Variants in RPS6KA5 observed in about 807,000 individuals in gnomAD.
RPS6KA5 encodes the protein ribosomal protein S6 kinase A5, also known as ribosomal protein S6 kinase alpha-5.
RPS6KA5 carries 27 observed loss-of-function variants against 85.5 expected under a neutral mutation model. The observed-to-expected ratio is 0.32, with a 90% CI of 0.23 to 0.44. RPS6KA5 has a LOEUF of 0.44. Ranked by LOEUF, RPS6KA5 falls within the 20% of genes least tolerant of loss-of-function variation. RPS6KA5 has a pLI of 1.00. For synonymous variants in RPS6KA5, 334 were observed against 348.2 expected, an observed-to-expected ratio of 0.96 and a Z score of 0.46; for missense variants, 811 against 980.9, an observed-to-expected ratio of 0.83 and a Z score of 2.31.
At chr14:90,896,470 T>G (rs537426163) in intron 12 of RPS6KA5, among the ~76,000 whole-genome samples, 1 of 152,262 alleles carries the variant, frequency 6.6e-6, no homozygotes, top group South Asian at 2.1e-4. Context: ...GGTTGTTACC[T>G]TAGAAGGATG....
At chr14:90,878,513 A>C (rs1187232935) in intron 14 of RPS6KA5, among the ~76,000 whole-genome samples, 3 of 152,240 alleles carry the variant, frequency 2.0e-5, no homozygotes. Context: ...CTCCCCAAAC[A>C]TGGAACAAAA....
chr14:90,941,729 A>G (rs971041800), intron 5 of RPS6KA5, among the ~76,000 whole-genome samples: 2 of 152,216 alleles, frequency 1.3e-5, no homozygotes, highest in African/African-American at 2.4e-5. Context: ...GGGGGTCAGA[A>G]GTACAGAGAG....
At chr14:90,886,545 T>C (rs2034240375) in intron 14 of RPS6KA5, among the ~76,000 whole-genome samples, 1 of 152,080 alleles carries the variant, frequency 6.6e-6, no homozygotes, top group South Asian at 2.1e-4. Flanking sequence ...TTAGTGTCCT[T>C]AAAGGGACAG....
chr14:90,995,862 T>G (rs2040494476), intron 2 of RPS6KA5, among the ~76,000 whole-genome samples: 1 of 152,222 alleles, frequency 6.6e-6, no homozygotes, highest in East Asian at 1.9e-4. Flanking sequence ...GGAGGATTAC[T>G]TGGGCCCAGG....
intron 1 of RPS6KA5, among the ~76,000 whole-genome samples, chr14:91,050,891 A>G (rs565279609): frequency 6.6e-6 from 1 of 152,340 alleles, no homozygotes; most frequent in Middle Eastern, 3.4e-3. Flanking sequence ...GTTTTTCAAC[A>G]GATCCAACAT....
intron 5 of RPS6KA5, among the ~76,000 whole-genome samples, chr14:90,935,246 C>A (rs1003056317): frequency 6.6e-6 from 1 of 152,020 alleles, no homozygotes; most frequent in Non-Finnish European, 1.5e-5. Flanking sequence ...TTGAAAGTGG[C>A]ACTATTAGCT....
chr14:91,060,172 G>A, intron 1 of RPS6KA5, 160 bp downstream of exon 1: 1 of 976,058 alleles, frequency 1.0e-6, no homozygotes, highest in Non-Finnish European at 1.2e-6. Context: ...CCACCTCCCG[G>A]GACCCCCGGG....
At chr14:90,909,979 T>C (rs1298728685) in intron 7 of RPS6KA5, among the ~76,000 whole-genome samples, 1 of 152,084 alleles carries the variant, frequency 6.6e-6, no homozygotes, top group Non-Finnish European at 1.5e-5. Context: ...TTTCGCCATA[T>C]TGGCCAGACT....
intron 2 of RPS6KA5, among the ~76,000 whole-genome samples, chr14:90,995,810 T>G (rs145539981): frequency 6.6e-6 from 1 of 152,282 alleles, no homozygotes; most frequent in African/African-American, 2.4e-5. Context: ...CTACATGCAG[T>G]GACTCATGCC....
intron 2 of RPS6KA5, among the ~76,000 whole-genome samples, chr14:90,992,354 A>G (rs34367541): frequency 0.031 from 4,651 of 152,292 alleles, 127 homozygotes; most frequent in Non-Finnish European, 0.045. Context: ...AAAACAGTGC[A>G]CACACACAAA....
chr14:91,011,370 C>T (rs1403257930), intron 1 of RPS6KA5, among the ~76,000 whole-genome samples: 2 of 152,034 alleles, frequency 1.3e-5, no homozygotes, highest in African/African-American at 4.8e-5. Flanking sequence ...CCTGTAGTCC[C>T]AGCTACTCAG....
chr14:91,057,197 G>A (rs1471485555), intron 1 of RPS6KA5, among the ~76,000 whole-genome samples: 1 of 151,928 alleles, frequency 6.6e-6, no homozygotes, highest in African/African-American at 2.4e-5. Context: ...ACTAGAGGGC[G>A]GGACATTTTC....
At chr14:91,055,430 A>G (rs1328295543) in intron 1 of RPS6KA5, among the ~76,000 whole-genome samples, 3 of 152,228 alleles carry the variant, frequency 2.0e-5, no homozygotes, top group African/African-American at 7.2e-5. Flanking sequence ...TATCTATACA[A>G]TGGAACACAA....
At chr14:90,987,598 G>A (rs1026149886) in intron 2 of RPS6KA5, among the ~76,000 whole-genome samples, 5 of 152,172 alleles carry the variant, frequency 3.3e-5, no homozygotes, top group African/African-American at 9.7e-5. Context: ...TGGCACTGAA[G>A]GCTGGGGAAA....
In RPS6KA5 at chr14:91,053,044, A is replaced by C. The variant is rs551767540; in HGVS notation, c.103+7288T>G. On this transcript the variant is annotated intron_variant, in intron 1 of 16. Transcript: ENST00000614987. ...ATGACAAACAAGATTTATCCCAGGA[A>C]TACAAGGTTGGCTTAACATTCAAAA... Among the ~76,000 whole-genome samples the C allele has an allele frequency of 3.9e-5, 6 of 152,198 alleles. No individual in the cohort carries two copies. The South Asian group carries it at 8.3e-4, about 21-fold the overall frequency.
At chr14:90,893,255 G>A (rs2034657803) in intron 13 of RPS6KA5, among the ~76,000 whole-genome samples, 1 of 152,188 alleles carries the variant, frequency 6.6e-6, no homozygotes, top group South Asian at 2.1e-4. Flanking sequence ...CTTTCAGTGG[G>A]TGTTATGTAG....
At chr14:91,020,652 TTA>T (rs1286949551) in intron 1 of RPS6KA5, among the ~76,000 whole-genome samples, 1 of 63,542 alleles carries the variant, frequency 1.6e-5, no homozygotes, top group East Asian at 5.0e-4. Context: ...GTGTGTGTGT[TTA>T]TATGTGTATG....
Position 90,853,050 on chromosome 14 carries a change from T to G in RPS6KA5, c.*19024A>C, listed in dbSNP as rs1006175898. On this transcript the variant is annotated 3_prime_UTR_variant, in exon 17 of 17. Coordinates refer to ENST00000614987, the MANE Select transcript of RPS6KA5 (RefSeq NM_004755.4). ...CCGGCCTGGGAGAAACATTTTTAAG[T>G]GTGCAAAGCAGTCACAATGAAAAAA... The G allele has an allele frequency of 6.6e-6, 1 of 152,062 alleles. No homozygotes were observed. The highest frequency in any genetic ancestry group is 2.4e-5 in the African/African-American group (1 of 41,392). 9.4% of individuals were successfully genotyped at this position (152,062 alleles called of 1,614,324 possible).
intron 1 of RPS6KA5, among the ~76,000 whole-genome samples, chr14:91,052,149 G>A (rs974054874): frequency 7.3e-5 from 11 of 150,632 alleles, no homozygotes; most frequent in Non-Finnish European, 5.9e-5. Flanking sequence ...CCCTACCTCT[G>A]TTAAATCTTT....
Sources: allele counts gnomAD v4.1 joint callset (sites outside exome capture counted in the v4.1 genomes callset), GRCh38; gene constraint gnomAD v4.1.1; transcripts MANE v1.5; gene names NCBI Gene and HGNC (gene_info 2026-07-23, HGNC 2026-07-21).